Variants in MYH9 observed in about 807,000 individuals in gnomAD.
The protein encoded by MYH9 is myosin-9.
In MYH9, 29 loss-of-function variants were observed where a neutral mutation model predicts 241.9. The ratio of observed to expected loss-of-function variants is 0.12; its 90% CI spans 0.09 to 0.16. The LOEUF is 0.16. Ranked by LOEUF, MYH9 falls within the 10% of genes least tolerant of loss-of-function variation. MYH9 has a pLI of 1.00. For synonymous variants in MYH9, 1,047 were observed against 1,062.6 expected (o/e 0.99, Z 0.29); for missense variants, 1,803 against 2,595.5 (o/e 0.69, Z 6.63).
intron 1 of MYH9, among the ~76,000 whole-genome samples, chr22:36,378,627 T>C (rs1303314570): frequency 1.3e-4 from 20 of 152,118 alleles, no homozygotes. Flanking sequence ...TTTCGAGCTG[T>C]GGGAACTTTC....
rs111359231 is a variant in MYH9, at chr22:36,373,028, A to G, written c.-20+14779T>C. ...CCTTGACCACCCATCTTCTCCCCTT[A>G]GGCCCACCCCCAAATACTCTCTCTT... On this transcript the variant is annotated intron_variant, in intron 1 of 40. Transcript: ENST00000216181. 1.0e-3 allele frequency among the ~76,000 whole-genome samples: 159 copies of G among 152,244 alleles called. No homozygotes were observed. In the South Asian group the frequency reaches 0.015, roughly 14 times the overall value.
At chr22:36,328,548 G>A (rs2017370778) in intron 3 of MYH9, among the ~76,000 whole-genome samples, 1 of 152,198 alleles carries the variant, frequency 6.6e-6, no homozygotes, top group Non-Finnish European at 1.5e-5. Context: ...CATCCACAAA[G>A]TAAGATCTGC....
chr22:36,346,151 C>CAAAAAAAA (rs56232061), intron 2 of MYH9, among the ~76,000 whole-genome samples: 3 of 121,300 alleles, frequency 2.5e-5, no homozygotes, highest in African/African-American at 9.1e-5. Context: ...GACTCCGTCT[C>CAAAAAAAA]AAAAAAAAAA....
At chr22:36,373,061 ATC>A (rs1208412549) in intron 1 of MYH9, among the ~76,000 whole-genome samples, 1 of 152,128 alleles carries the variant, frequency 6.6e-6, no homozygotes, top group East Asian at 1.9e-4. Flanking sequence ...CTTTACAAAC[ATC>A]TGTCTGCTCA....
At chr22:36,382,270 T>C (rs939899341) in intron 1 of MYH9, among the ~76,000 whole-genome samples, 3 of 151,596 alleles carry the variant, frequency 2.0e-5, no homozygotes, top group Non-Finnish European at 4.4e-5. Context: ...AGGTCAGCAG[T>C]TCGAGACCAG....
rs755803902 is a variant in MYH9, at chr22:36,348,853, C to G, written c.333+51G>C. On this transcript the variant is annotated intron_variant, in intron 2 of 40. Coordinates refer to ENST00000216181, the MANE Select transcript of MYH9 (RefSeq NM_002473.6). ...GATGGGAAGACCCGCCCCCCCCCCCCACCTCGGAGCCCTCAGACCCAGCCT... is the reference window on the plus strand; with the variant it reads ...GATGGGAAGACCCGCCCCCCCCCCCGACCTCGGAGCCCTCAGACCCAGCCT... 144 of 1,090,372 alleles carry G rather than the reference C, an allele frequency of 1.3e-4. 7 individuals carry two copies. Among genetic ancestry groups the G allele is most frequent in the Admixed American group, 1.0e-3 (53 of 51,268 alleles). 67.5% of individuals were successfully genotyped at this position (1,090,372 alleles called of 1,614,324 possible). A position where few individuals can be genotyped will look rare whatever the true frequency, so the allele number is the denominator to read the frequency against.
intron 1 of MYH9, among the ~76,000 whole-genome samples, chr22:36,378,168 T>C (rs949353642): frequency 6.6e-6 from 1 of 151,220 alleles, no homozygotes; most frequent in Non-Finnish European, 1.5e-5. Context: ...CCCAGCTACT[T>C]AGGAGGCTGA....
chr22:36,318,014 G>A (rs1400470766), intron 11 of MYH9, among the ~76,000 whole-genome samples, 193 bp downstream of exon 11: 1 of 152,258 alleles, frequency 6.6e-6, no homozygotes, highest in Admixed American at 6.5e-5. Context: ...CCTTGAGTGT[G>A]CCATGAAGCT....
chr22:36,323,613 A>C (rs554753533), intron 5 of MYH9, among the ~76,000 whole-genome samples: 1 of 152,200 alleles, frequency 6.6e-6, no homozygotes, highest in Admixed American at 6.5e-5. Flanking sequence ...CTGGCCTTAC[A>C]AGCACACCTG....
chr22:36,282,691 C>T lies in MYH9; in HGVS notation c.5860G>A (p.Ala1954Thr). 6.2e-7 allele frequency: 1 copy of T among 1,614,016 alleles called. No homozygotes were observed. The highest frequency in any genetic ancestry group is 8.5e-7 in the Non-Finnish European group (1 of 1,180,024). ...GCTTATTCGGCAGGTTTGGCCTCAG[C>T]CCCATCCGCTTTGCCATCTACCTCT... The part of the protein sequence containing the change: ...DEEVDGKADG[A>T]EAKPAE Residue 1954 changes from alanine to threonine, a missense_variant, in exon 41 of 41, where the codon GCT becomes ACT. Physicochemically the swap from Ala to Thr is moderately conservative, Grantham distance 58. This residue lies in a region of MYH9 where 876 missense variants were observed against 1,077.8 expected (regional missense o/e 0.81). Coordinates refer to ENST00000216181, the MANE Select transcript of MYH9 (RefSeq NM_002473.6).
At chr22:36,385,564 G>A (rs945053431) in intron 1 of MYH9, among the ~76,000 whole-genome samples, 2 of 152,092 alleles carry the variant, frequency 1.3e-5, no homozygotes, top group African/African-American at 4.8e-5. Context: ...AGGTTAAAAA[G>A]TTTAAAAATA....
At chr22:36,369,138 G>GGAC (rs1253389640) in intron 1 of MYH9, among the ~76,000 whole-genome samples, 1 of 152,202 alleles carries the variant, frequency 6.6e-6, no homozygotes, top group African/African-American at 2.4e-5. Flanking sequence ...CACACAGCTA[G>GGAC]TCAATGGCAG....
intron 24 of MYH9, 55 bp downstream of exon 24, chr22:36,298,864 G>T: frequency 6.2e-7 from 1 of 1,606,286 alleles, no homozygotes; most frequent in Admixed American, 1.7e-5. Flanking sequence ...GCCCCTGACC[G>T]CCAGCCCTTG....
At chr22:36,351,907 T>G (rs955719111) in intron 1 of MYH9, among the ~76,000 whole-genome samples, 1 of 151,192 alleles carries the variant, frequency 6.6e-6, no homozygotes, top group African/African-American at 2.4e-5. Flanking sequence ...CAGGGGATGG[T>G]TACTAAGTAC....
Position 36,319,549 on chromosome 22 carries a change from C to T in MYH9, c.1099G>A (p.Asp367Asn), listed in dbSNP as rs1354670070. The change falls in exon 10 of 41, where the codon GAC becomes AAC. Residue 367 changes from aspartate to asparagine, a missense_variant. By Grantham distance (23) the Asp-to-Asn change is conservative. Coordinates refer to ENST00000216181, the MANE Select transcript of MYH9 (RefSeq NM_002473.6). ...ERNTDQASMP[D>N]NTAAQKVSHL... Reference sequence around the variant, plus strand: ...AGGCCCCGGGTGTTACCTGTGTTGTCGGGCATGGACGCCTGGTCAGTGTTC... The same window carrying T: ...AGGCCCCGGGTGTTACCTGTGTTGTTGGGCATGGACGCCTGGTCAGTGTTC... 4 of 1,614,160 alleles carry T rather than the reference C, an allele frequency of 2.5e-6. No individual in the cohort carries two copies. The highest frequency in any genetic ancestry group is 2.2e-5 in the East Asian group (1 of 44,886).
intron 25 of MYH9, among the ~76,000 whole-genome samples, chr22:36,296,540 CTTTTTTTTTT>C (rs67917055): frequency 9.9e-6 from 1 of 100,890 alleles, no homozygotes; most frequent in African/African-American, 4.0e-5. Flanking sequence ...CTGGTCAAGT[CTTTTTTTTTT>C]TTTTTTTTTT....
At chr22:36,377,043 A>G (rs1300831802) in intron 1 of MYH9, among the ~76,000 whole-genome samples, 2 of 146,572 alleles carry the variant, frequency 1.4e-5, no homozygotes, top group Non-Finnish European at 3.0e-5. Context: ...AGCCTAGGCG[A>G]CAAAGCGAGA....
At chr22:36,372,979 G>C (rs1052602848) in intron 1 of MYH9, among the ~76,000 whole-genome samples, 1 of 152,092 alleles carries the variant, frequency 6.6e-6, no homozygotes, top group African/African-American at 2.4e-5. Flanking sequence ...AGCAAAGGCA[G>C]CCCTTGCATT....
chr22:36,383,081 T>C (rs935078976), intron 1 of MYH9, among the ~76,000 whole-genome samples: 1 of 151,770 alleles, frequency 6.6e-6, no homozygotes, highest in Non-Finnish European at 1.5e-5. Flanking sequence ...ATTAGCCAGG[T>C]GTAGCAGTGT....
Sources: allele counts gnomAD v4.1 joint callset (sites outside exome capture counted in the v4.1 genomes callset), GRCh38; gene constraint gnomAD v4.1.1; regional missense constraint gnomAD v4.1.1; transcripts MANE v1.5; gene names NCBI Gene and HGNC (gene_info 2026-07-23, HGNC 2026-07-21).